VLDLR: variants seen among roughly 807,000 people sequenced by gnomAD.
VLDLR encodes very low density lipoprotein receptor.
VLDLR carries 81 observed loss-of-function variants against 112.7 expected under a neutral mutation model. The ratio of observed to expected loss-of-function variants is 0.72; its 90% confidence interval spans 0.60 to 0.86. VLDLR has a LOEUF of 0.86. VLDLR is among the 40% of genes least tolerant of loss of function. VLDLR has a pLI of 0.00. For missense variants in VLDLR, 1,237 were observed against 1,099.4 expected, an observed-to-expected ratio of 1.13 and a Z score of -1.77; for synonymous variants, 436 against 384.8, an observed-to-expected ratio of 1.13 and a Z score of -1.56.
intron 12 of VLDLR, chr9:2,647,854 A>G (rs552234420): frequency 6.8e-6 from 4 of 586,778 alleles, no homozygotes; most frequent in African/African-American, 3.7e-5. Context: ...GTGCACTCAT[A>G]CTAAATATTC....
At chr9:2,652,259 G>A (rs1286941904) in intron 17 of VLDLR, among the ~76,000 whole-genome samples, 1 of 152,128 alleles carries the variant, frequency 6.6e-6, no homozygotes, top group African/African-American at 2.4e-5. Context: ...GTACTGTTCT[G>A]TTCCCCCTTT....
In VLDLR at chr9:2,635,599, C is replaced by T. The variant is rs1338302203; in HGVS notation, c.202+27C>T. ...TAAGTAAAGAGTTTGATGACTTATG[C>T]ATTTTGTTAAAATATGATGTTATCT... On this transcript the variant is annotated intron_variant, in intron 2 of 18. Transcript: ENST00000382100. 4.3e-6 allele frequency: 7 copies of T among 1,613,662 alleles called. No individual in the cohort carries two copies. The East Asian group carries it at 1.3e-4, about 31-fold the overall frequency.
intron 1 of VLDLR, among the ~76,000 whole-genome samples, chr9:2,632,767 T>G (rs528139711): frequency 2.6e-5 from 4 of 151,840 alleles, no homozygotes; most frequent in African/African-American, 9.7e-5. Flanking sequence ...GTGTCTGAGC[T>G]CTCCCTCTCT....
chr9:2,646,650 G>A (rs1818090092), intron 11 of VLDLR, 98 bp downstream of exon 11: 4 of 1,160,632 alleles, frequency 3.4e-6, no homozygotes, highest in Admixed American at 2.0e-5. Flanking sequence ...CAAGGTTTAT[G>A]AGCCTTCTGC....
At chr9:2,633,475 G>T (rs1011150676) in intron 1 of VLDLR, among the ~76,000 whole-genome samples, 3 of 152,224 alleles carry the variant, frequency 2.0e-5, no homozygotes, top group African/African-American at 7.2e-5. Context: ...CCTTAACCCT[G>T]AGGTGGGAAA....
chr9:2,659,099 A>G lies in VLDLR; in HGVS notation c.*5231A>G, dbSNP rs1396761217. On this transcript the variant is annotated 3_prime_UTR_variant, in exon 19 of 19. Coordinates refer to ENST00000382100, the MANE Select transcript of VLDLR (RefSeq NM_003383.5). ...TTAAAATCTCCTTTAAATTCTTACC[A>G]TATGCTTACTTTTGTACTAAGTAAG... 1.3e-5 allele frequency: 2 copies of G among 152,198 alleles called. No individual in the cohort carries two copies. The highest frequency in any genetic ancestry group is 2.4e-5 in the African/African-American group (1 of 41,464). 9.4% of individuals were successfully genotyped at this position (152,198 alleles called of 1,614,324 possible).
At chr9:2,641,616 C>G in intron 4 of VLDLR, 117 bp downstream of exon 4, 1 of 1,437,696 alleles carries the variant, frequency 7.0e-7, no homozygotes, top group African/African-American at 1.4e-5. Context: ...TTTTCAGTGA[C>G]TTCACTATCT....
chr9:2,651,751 T>G, intron 16 of VLDLR, 123 bp from the exon 17 acceptor site: 1 of 1,102,480 alleles, frequency 9.1e-7, no homozygotes, highest in Non-Finnish European at 1.4e-6. Flanking sequence ...GTTCCTGGTG[T>G]TCAATTGTTG....
chr9:2,639,203 A>G lies in VLDLR; in HGVS notation c.203-656A>G, dbSNP rs535137526. On this transcript the variant is annotated intron_variant, in intron 2 of 18. Transcript: ENST00000382100. ...GAGAAGAGACCTGCCAGTAGATCTG[A>G]TATCAGGTGAGGGCTGTCTTTCTGG... is the stretch of plus-strand genomic sequence containing the variant. Among the ~76,000 whole-genome samples the G allele has an allele frequency of 1.7e-3, 265 of 152,352 alleles. 1 individual carries two copies. Among genetic ancestry groups the G allele is most frequent in the African/African-American group, 6.1e-3 (252 of 41,582 alleles).
At chr9:2,642,781 A>C (rs1817883497) in intron 4 of VLDLR, among the ~76,000 whole-genome samples, 2 of 152,202 alleles carry the variant, frequency 1.3e-5, no homozygotes, top group Non-Finnish European at 1.5e-5. Context: ...TGATATTCTC[A>C]ACTAGTGATA....
chr9:2,651,279 C>A (rs1818317688), intron 15 of VLDLR, 136 bp from the exon 16 acceptor site: 3 of 698,868 alleles, frequency 4.3e-6, no homozygotes, highest in African/African-American at 1.8e-5. Context: ...GACACATCAG[C>A]TGTACAACTT....
At position 2,648,662 on chromosome 9, in the gene VLDLR, G is replaced by A; in HGVS notation, c.1963-7G>A. On this transcript the variant is annotated splice_polypyrimidine_tract_variant and splice_region_variant and intron_variant, in intron 13 of 18. Transcript: ENST00000382100. The stretch of plus-strand genomic sequence containing the variant: ...ATGTACATGCTAATTGTGGGCTTCT[G>A]TTTTAGGATCGTGTCTACTGGATAG... 1 of 1,614,180 alleles carries A rather than the reference G, an allele frequency of 6.2e-7. No individual in the cohort carries two copies. Among genetic ancestry groups the A allele is most frequent in the Non-Finnish European group, 8.5e-7 (1 of 1,180,020 alleles).
At chr9:2,622,845 C>T (rs1017704768) in intron 1 of VLDLR, among the ~76,000 whole-genome samples, 1 of 152,090 alleles carries the variant, frequency 6.6e-6, no homozygotes, top group Admixed American at 6.5e-5. Flanking sequence ...GAGCCGAGGG[C>T]ACCCGGACTG....
intron 2 of VLDLR, among the ~76,000 whole-genome samples, chr9:2,635,972 G>A (rs2130779118): frequency 6.6e-6 from 1 of 152,196 alleles, no homozygotes; most frequent in Non-Finnish European, 1.5e-5. Flanking sequence ...AAAGTTTCAG[G>A]GGGTTAATTA....
At chr9:2,652,355 G>A (rs111671538) in intron 17 of VLDLR, among the ~76,000 whole-genome samples, 3 of 152,178 alleles carry the variant, frequency 2.0e-5, no homozygotes, top group African/African-American at 7.2e-5. Context: ...TAAATTAAAA[G>A]CAGTTAAGAA....
intron 14 of VLDLR, among the ~76,000 whole-genome samples, chr9:2,649,449 T>TG (rs1407162942): frequency 2.0e-5 from 3 of 152,186 alleles, no homozygotes; most frequent in Non-Finnish European, 4.4e-5. Context: ...TGGAGTGCAG[T>TG]GGCACAATCT....
chr9:2,633,051 A>AGAGTGTGTGTGTGTGTGT (rs1460780869), intron 1 of VLDLR, among the ~76,000 whole-genome samples: 1 of 115,402 alleles, frequency 8.7e-6, no homozygotes, highest in African/African-American at 3.3e-5. Context: ...AGAGAGAGAG[A>AGAGTGTGTGTGTGTGTGT]GTGTGTGTGT....
chr9:2,652,799 A>G lies in VLDLR; in HGVS notation c.2436A>G (p.Ala812=), dbSNP rs746824167. Residue 812 remains alanine (A), a synonymous_variant, in exon 18 of 19, where the codon GCA becomes GCG. Transcript: ENST00000382100. ...ILPLLLLVMA[A]VGGYLMWRNW... ...TTTCAGTGCTCTTAGTGATGGCAGC[A>G]GTAGGTGGCTACTTGATGTGGCGGA... 6.2e-7 allele frequency: 1 copy of G among 1,614,168 alleles called. No individual in the cohort carries two copies. The highest frequency in any genetic ancestry group is 8.5e-7 in the Non-Finnish European group (1 of 1,180,006).
chr9:2,626,604 G>C (rs1817099728), intron 1 of VLDLR, among the ~76,000 whole-genome samples: 1 of 152,202 alleles, frequency 6.6e-6, no homozygotes, highest in African/African-American at 2.4e-5. Context: ...TGCTTGCTTA[G>C]AGATCCTTTG....
Sources: gnomAD v4.1 joint callset for allele counts (sites outside exome capture counted in the v4.1 genomes callset) on GRCh38, gnomAD v4.1.1 for gene constraint, MANE v1.5 for transcripts, NCBI Gene and HGNC (gene_info 2026-07-23, HGNC 2026-07-21) for gene names.